Variants in CUX1 observed in about 807,000 individuals in gnomAD.
The protein encoded by CUX1 is protein CASP.
CUX1 carries 31 observed loss-of-function variants against 158.8 expected under a neutral mutation model. That is an observed-to-expected ratio of 0.20 (90% CI 0.15 to 0.26). CUX1 has a LOEUF of 0.26. Ranked by LOEUF, CUX1 falls within the 10% of genes least tolerant of loss-of-function variation. The pLI is 1.00. For synonymous variants in CUX1, 879 were observed against 862.1 expected (o/e 1.02, Z -0.34); for missense variants, 1,589 against 2,014.6 (o/e 0.79, Z 4.04).
intron 8 of CUX1, among the ~76,000 whole-genome samples, chr7:102,151,526 C>G (rs1204643278): frequency 6.6e-6 from 1 of 151,806 alleles, no homozygotes; most frequent in Non-Finnish European, 1.5e-5. Context: ...TACACTCCAG[C>G]CTGGGCAACA....
intron 2 of CUX1, among the ~76,000 whole-genome samples, chr7:101,919,697 G>C (rs1584982218): frequency 6.6e-6 from 1 of 152,234 alleles, no homozygotes; most frequent in Non-Finnish European, 1.5e-5. Context: ...TCCACAGGGA[G>C]GATTAGGCAC....
At chr7:102,159,808 C>G (rs1790238348) in intron 9 of CUX1, among the ~76,000 whole-genome samples, 1 of 151,896 alleles carries the variant, frequency 6.6e-6, no homozygotes, top group South Asian at 2.1e-4. Context: ...TTGCAGTGAG[C>G]CAAGATCTAA....
At chr7:101,872,202 T>G (rs999256078) in intron 1 of CUX1, among the ~76,000 whole-genome samples, 27 of 151,902 alleles carry the variant, frequency 1.8e-4, no homozygotes, top group African/African-American at 6.5e-4. Context: ...GGCATGATCT[T>G]GGCTCACTGC....
intron 1 of CUX1, among the ~76,000 whole-genome samples, chr7:101,833,778 C>T (rs1437532887): frequency 6.6e-6 from 1 of 152,026 alleles, no homozygotes; most frequent in East Asian, 1.9e-4. Flanking sequence ...TTTTCGCCTT[C>T]CCAGGAAGTC....
At chr7:102,062,618 C>T (rs1002304878) in intron 3 of CUX1, among the ~76,000 whole-genome samples, 4 of 152,140 alleles carry the variant, frequency 2.6e-5, no homozygotes, top group Non-Finnish European at 5.9e-5. Flanking sequence ...TCAAGGGATC[C>T]TCCCAAAGAG....
intron 3 of CUX1, among the ~76,000 whole-genome samples, chr7:102,033,015 G>A (rs1356462741): frequency 1.3e-5 from 2 of 152,166 alleles, no homozygotes; most frequent in African/African-American, 4.8e-5. Flanking sequence ...GAAGGTTGAG[G>A]GGATGAGGGG....
intron 8 of CUX1, among the ~76,000 whole-genome samples, chr7:102,141,552 A>C (rs2131396507): frequency 6.6e-6 from 1 of 152,240 alleles, no homozygotes; most frequent in Middle Eastern, 3.4e-3. Flanking sequence ...GAGGAAGCTG[A>C]GAGCGATAAC....
At chr7:102,077,528 T>TAAAAA (rs35999980) in intron 4 of CUX1, among the ~76,000 whole-genome samples, 4 of 113,940 alleles carry the variant, frequency 3.5e-5, no homozygotes, top group Non-Finnish European at 5.2e-5. Context: ...CCCATCTCTT[T>TAAAAA]AAAAAAAAAA....
chr7:102,259,280 G>A (rs1185262586), downstream of CUX1, among the ~76,000 whole-genome samples: 2 of 152,176 alleles, frequency 1.3e-5, no homozygotes, highest in African/African-American at 4.8e-5. Context: ...TCAGATAGGA[G>A]AGGCCTGCAT....
At chr7:102,150,186 C>G (rs549108018) in intron 8 of CUX1, among the ~76,000 whole-genome samples, 2 of 152,074 alleles carry the variant, frequency 1.3e-5, no homozygotes, top group Non-Finnish European at 2.9e-5. Flanking sequence ...GACAGGGTCT[C>G]GCTCTGGTAC....
chr7:102,125,758 C>T (rs1554494997), intron 8 of CUX1: 1 of 149,842 alleles, frequency 6.7e-6, no homozygotes, highest in Non-Finnish European at 1.5e-5. Flanking sequence ...TATGAATATA[C>T]ATAAATAATT....
At chr7:102,196,576 G>GT (rs1204628139) in intron 14 of CUX1, 58 bp from the exon 15 acceptor site, 1,160 of 1,372,506 alleles carry the variant, frequency 8.5e-4, no homozygotes, top group South Asian at 1.3e-3. Context: ...TTTGGTCTTG[G>GT]TTTTTTTTTC....
At chr7:102,216,590 A>ACACACT (rs1554524681) in intron 20 of CUX1, among the ~76,000 whole-genome samples, 2 of 43,322 alleles carry the variant, frequency 4.6e-5, no homozygotes, top group Non-Finnish European at 8.9e-5. Flanking sequence ...TCTCCCACAC[A>ACACACT]CACACTCCCA....
At chr7:102,093,226 TAA>T (rs10570840) in intron 4 of CUX1, among the ~76,000 whole-genome samples, 7 of 139,718 alleles carry the variant, frequency 5.0e-5, no homozygotes, top group African/African-American at 1.3e-4. Flanking sequence ...CCTATCTCTT[TAA>T]AAAAAAAAAA....
At chr7:102,123,999 G>C (rs1832346649) in intron 8 of CUX1, among the ~76,000 whole-genome samples, 1 of 152,136 alleles carries the variant, frequency 6.6e-6, no homozygotes, top group Admixed American at 6.5e-5. Flanking sequence ...TCCTTTGAGA[G>C]GGTAGAGAAA....
At chr7:102,196,600 C>T in intron 14 of CUX1, 34 bp from the exon 15 acceptor site, 3 of 1,447,296 alleles carry the variant, frequency 2.1e-6, no homozygotes, top group Non-Finnish European at 2.7e-6. Context: ...CTTTGGAATC[C>T]CCCATAATGC....
chr7:101,824,506 A>G (rs1308432924), intron 1 of CUX1: 1 of 152,242 alleles, frequency 6.6e-6, no homozygotes, highest in Non-Finnish European at 1.5e-5. Context: ...ATAAAAAATA[A>G]TTTGATAAAA....
At chr7:101,952,671 C>T (rs921974142) in intron 2 of CUX1, among the ~76,000 whole-genome samples, 5 of 152,184 alleles carry the variant, frequency 3.3e-5, no homozygotes, top group African/African-American at 4.8e-5. Flanking sequence ...CTCCCACCCA[C>T]GCATTTGCAC....
chr7:102,019,830 C>T (rs1237804063), intron 2 of CUX1, among the ~76,000 whole-genome samples: 1 of 152,178 alleles, frequency 6.6e-6, no homozygotes, highest in Non-Finnish European at 1.5e-5. Flanking sequence ...TTATCCCTTT[C>T]AAGATAATCT....
Sources: allele counts gnomAD v4.1 joint callset (sites outside exome capture counted in the v4.1 genomes callset), GRCh38; gene constraint gnomAD v4.1.1; transcripts MANE v1.5; gene names NCBI Gene and HGNC (gene_info 2026-07-23, HGNC 2026-07-21).